The following ILDR2 variants were observed in gnomAD, a reference collection of about 807,000 sequenced individuals.
The protein encoded by ILDR2 is immunoglobulin-like domain-containing receptor 2.
A neutral mutation model predicts 66.8 loss-of-function variants in ILDR2; 25 were observed. The observed-to-expected ratio is 0.37, with a 90% CI of 0.27 to 0.52. The LOEUF (loss-of-function observed/expected upper bound fraction) is 0.52. Ranked by LOEUF, ILDR2 falls within the 20% of genes least tolerant of loss-of-function variation. The probability of loss-of-function intolerance (pLI) is 0.88; values close to 1 mark genes in which losing one functional copy is unlikely to be tolerated. For synonymous variants in ILDR2, 367 were observed against 357.2 expected (o/e 1.03, Z -0.31); for missense variants, 827 against 876.8 (o/e 0.94, Z 0.72).
intron 1 of ILDR2, among the ~76,000 whole-genome samples, chr1:166,958,487 G>C (rs937178754): frequency 6.6e-6 from 1 of 152,118 alleles, no homozygotes; most frequent in Non-Finnish European, 1.5e-5. Context: ...GAAGGTGCTT[G>C]TTTCCCCTTT....
In ILDR2 at chr1:166,935,387, C is replaced by T. The variant is rs1258075397; in HGVS notation, c.794G>A (p.Gly265Glu). The change falls in exon 6 of 10, where the codon GGA becomes GAA. Residue 265 changes from glycine (G) to glutamate (E), a missense_variant. Physicochemically the swap from Gly to Glu is moderately conservative, Grantham distance 98 (BLOSUM62 -2). This residue lies in a region of ILDR2 where 437 missense variants were observed against 523.2 expected (regional missense o/e 0.84). Coordinates refer to ENST00000271417, the MANE Select transcript of ILDR2 (RefSeq NM_199351.3). ...GPYSIPSVPL[G>E]GAPSSGMLMD... Reference sequence around the variant, plus strand: ...CAGCATGCCAGATGAGGGGGCTCCTCCCAAAGGGACAGAGGGGATGGAGTA... The same window carrying T: ...CAGCATGCCAGATGAGGGGGCTCCTTCCAAAGGGACAGAGGGGATGGAGTA... 4 of 1,613,840 alleles carry T rather than the reference C, an allele frequency of 2.5e-6. No individual in the cohort carries two copies. Among genetic ancestry groups the T allele is most frequent in the African/African-American group, 1.3e-5 (1 of 74,876 alleles).
rs1320833457 is a variant in ILDR2 at position 166,917,814 on chromosome 1, T to C, written c.*1541A>G. The C allele has an allele frequency of 6.6e-6, 1 of 152,240 alleles. No homozygotes were observed. The highest frequency in any genetic ancestry group is 2.4e-5 in the African/African-American group (1 of 41,460). 9.4% of individuals were successfully genotyped at this position (152,240 alleles called of 1,614,324 possible). ...CACCCATGTCTGCATCAGCTGGAAG[T>C]TGACGGGCTGTCAGATAGGGTGACA... is the stretch of plus-strand genomic sequence containing the variant. On this transcript the variant is annotated 3_prime_UTR_variant, in exon 10 of 10. Coordinates refer to ENST00000271417, the MANE Select transcript of ILDR2 (RefSeq NM_199351.3).
Position 166,936,668 on chromosome 1 carries a change from C to A in ILDR2, c.626G>T (p.Cys209Phe). Reference sequence around the variant, plus strand: ...GCAGCAGCTGTGAGGGCAGCACTGGCACCAGCAGATCCCCACCAGGACGAA... The same window carrying A: ...GCAGCAGCTGTGAGGGCAGCACTGGAACCAGCAGATCCCCACCAGGACGAA... The part of the protein sequence containing the change: ...LFFVLVGICW[C>F]QCCPHSCCCY... The change falls in exon 5 of 10, where the codon TGC becomes TTC. Residue 209 changes from cysteine to phenylalanine, a missense_variant. Physicochemically the swap from Cys to Phe is radical, Grantham distance 205. Coordinates refer to ENST00000271417, the MANE Select transcript of ILDR2 (RefSeq NM_199351.3). This position sits in a 1 kb window ranked among gnomAD's most constrained non-coding sequence, Gnocchi z 5.0. 2 of 1,614,066 alleles carry A rather than the reference C, an allele frequency of 1.2e-6. No homozygotes were observed. The highest frequency in any genetic ancestry group is 1.7e-6 in the Non-Finnish European group (2 of 1,179,988).
In ILDR2 at chr1:166,912,353, G is replaced by A. The variant is rs1659491208; in HGVS notation, c.*7002C>T. ...ATCCTACCAACAAATCATTACTGAA[G>A]TAAACTTCCTTCAGAAAGAAAATAT... On this transcript the variant is annotated 3_prime_UTR_variant, in exon 10 of 10. Transcript: ENST00000271417. 1 of 151,996 alleles carries A rather than the reference G, an allele frequency of 6.6e-6. No individual in the cohort carries two copies. Among genetic ancestry groups the A allele is most frequent in the South Asian group, 2.1e-4 (1 of 4,826 alleles). 9.4% of individuals were successfully genotyped at this position (151,996 alleles called of 1,614,324 possible).
chr1:166,965,571 T>G (rs566241669), intron 1 of ILDR2, among the ~76,000 whole-genome samples: 5 of 27,968 alleles, frequency 1.8e-4, no homozygotes, highest in South Asian at 1.3e-3. Context: ...TTAGGTTTTG[T>G]TTTTTTTTTT....
chr1:166,920,567 C>G (rs1444355686), intron 9 of ILDR2, 140 bp downstream of exon 9: 4 of 970,520 alleles, frequency 4.1e-6, no homozygotes, highest in Non-Finnish European at 5.5e-6. Context: ...ACGAACTCGC[C>G]CAGGCAGGCC....
At chr1:166,906,580 A>G (rs1290748020), downstream of ILDR2, among the ~76,000 whole-genome samples, 1 of 152,228 alleles carries the variant, frequency 6.6e-6, no homozygotes, top group East Asian at 1.9e-4. Flanking sequence ...CTGGCAATGA[A>G]GCTGTGATGG....
chr1:166,956,999 C>T (rs1662319639), intron 2 of ILDR2, 147 bp from the exon 3 acceptor site: 4 of 782,286 alleles, frequency 5.1e-6, no homozygotes, highest in South Asian at 4.0e-5. Context: ...AAGATGTGTG[C>T]TTTGCTTAAA....
At chr1:166,937,301 TA>T (rs1226130121) in intron 4 of ILDR2, among the ~76,000 whole-genome samples, 1 of 152,216 alleles carries the variant, frequency 6.6e-6, no homozygotes, top group African/African-American at 2.4e-5. Context: ...TGACTGTCCC[TA>T]GAACAGCTTT....
Position 166,909,789 on chromosome 1 carries a change from A to T in ILDR2, c.*9566T>A, listed in dbSNP as rs1341696672. On this transcript the variant is annotated 3_prime_UTR_variant, in exon 10 of 10. Transcript: ENST00000271417. ...TATATAAATATATATATTTATATAT[A>T]TATATATATATATATATCCTTCTAG... The T allele has an allele frequency of 2.3e-5, 3 of 131,888 alleles. No individual in the cohort carries two copies. Among genetic ancestry groups the T allele is most frequent in the Admixed American group, 7.6e-5 (1 of 13,112 alleles). 8.2% of individuals were successfully genotyped at this position (131,888 alleles called of 1,614,324 possible).
chr1:166,907,104 G>A (rs912082130), downstream of ILDR2: 2 of 152,294 alleles, frequency 1.3e-5, no homozygotes, highest in African/African-American at 4.8e-5. Flanking sequence ...GATACTGTGA[G>A]GATAATTTGG....
chr1:166,906,105 T>G (rs542428665), downstream of ILDR2, among the ~76,000 whole-genome samples: 5 of 152,334 alleles, frequency 3.3e-5, no homozygotes, highest in South Asian at 1.0e-3. Flanking sequence ...TGGGAGTGAC[T>G]GCTCCGCAGC....
At chr1:166,940,179 G>A (rs1190321514) in intron 3 of ILDR2, among the ~76,000 whole-genome samples, 1 of 152,084 alleles carries the variant, frequency 6.6e-6, no homozygotes, top group Non-Finnish European at 1.5e-5. Context: ...TTTCCATATG[G>A]CACCCACAGC....
intron 1 of ILDR2, among the ~76,000 whole-genome samples, chr1:166,966,948 A>G (rs1472481634): frequency 3.3e-5 from 5 of 152,116 alleles, no homozygotes; most frequent in African/African-American, 1.2e-4. Flanking sequence ...CAAATATACA[A>G]CTTCACTGTC....
At chr1:166,896,698 C>T (rs901142698) in intron 2 of ILDR2, among the ~76,000 whole-genome samples, 3 of 149,592 alleles carry the variant, frequency 2.0e-5, no homozygotes, top group South Asian at 2.1e-4. Flanking sequence ...TGCAATGGCA[C>T]GATTTTGGCT....
chr1:166,921,451 C>CTGGGG lies in ILDR2; in HGVS notation c.1212-73_1212-72insCCCCA. The CTGGGG allele has an allele frequency of 2.3e-6, 3 of 1,301,342 alleles. No homozygotes were observed. The highest frequency in any genetic ancestry group is 1.5e-5 in the African/African-American group (1 of 67,632). 80.6% of individuals were successfully genotyped at this position (1,301,342 alleles called of 1,614,324 possible). Reference sequence around the variant, plus strand: ...GCTCCAGGTAGGGCTCCCAAGAGCACCCATCGTGTCCTGGGGCCACGCTCA... The same window carrying CTGGGG: ...GCTCCAGGTAGGGCTCCCAAGAGCACTGGGGCCATCGTGTCCTGGGGCCACGCTCA... On this transcript the variant is annotated intron_variant, in intron 8 of 9. Transcript: ENST00000271417. The surrounding 1 kb of genome is among the most constrained non-coding windows in gnomAD (Gnocchi z 5.3).
At chr1:166,960,487 A>G (rs1172467038) in intron 1 of ILDR2, among the ~76,000 whole-genome samples, 2 of 152,198 alleles carry the variant, frequency 1.3e-5, no homozygotes, top group Non-Finnish European at 2.9e-5. Context: ...CTATAGAATG[A>G]GCACCATAAT....
Position 166,957,927 on chromosome 1 carries a change from G to A in ILDR2, c.221C>T (p.Ser74Phe). Reference sequence around the variant, plus strand: ...CTTGCTGAGAGATTGGGCCCGGGTAGAGGACATGCCCAAGGATTCTCCCAT... The same window carrying A: ...CTTGCTGAGAGATTGGGCCCGGGTAAAGGACATGCCCAAGGATTCTCCCAT... ...DRMGESLGMS[S>F]TRAQSLSKRN... is the part of the protein sequence containing the mutation. The change falls in exon 2 of 10, where the codon TCT becomes TTT. Residue 74 changes from serine (S) to phenylalanine (F), a missense_variant. By Grantham distance (155) the Ser-to-Phe change is radical (BLOSUM62 -2). Coordinates refer to ENST00000271417, the MANE Select transcript of ILDR2 (RefSeq NM_199351.3). The A allele has an allele frequency of 6.2e-7, 1 of 1,614,152 alleles. No individual in the cohort carries two copies. Among genetic ancestry groups the A allele is most frequent in the Non-Finnish European group, 8.5e-7 (1 of 1,180,022 alleles).
intron 7 of ILDR2, 24 bp from the exon 8 acceptor site, chr1:166,922,833 ATAGAGC>A: frequency 6.3e-7 from 1 of 1,593,736 alleles, no homozygotes; most frequent in Non-Finnish European, 8.6e-7. Context: ...ATCAGGCATG[ATAGAGC>A]TTTTTGTGTT....
Sources: allele counts gnomAD v4.1 joint callset (sites outside exome capture counted in the v4.1 genomes callset), GRCh38; gene constraint gnomAD v4.1.1; regional missense constraint gnomAD v4.1.1; non-coding constraint Gnocchi (gnomAD v3.1); transcripts MANE v1.5; gene names NCBI Gene and HGNC (gene_info 2026-07-23, HGNC 2026-07-21).